Variants in GRM7 observed in about 807,000 individuals in gnomAD.
GRM7 encodes glutamate metabotropic receptor 7.
In GRM7, 35 loss-of-function variants were observed where a neutral mutation model predicts 84.5. The ratio of observed to expected loss-of-function variants is 0.41; its 90% CI spans 0.32 to 0.55. The LOEUF (loss-of-function observed/expected upper bound fraction) is 0.55, where lower values mean the gene tolerates loss of function less well. Ranked by LOEUF, GRM7 falls within the 20% of genes least tolerant of loss-of-function variation. GRM7 has a pLI of 0.19. For synonymous variants in GRM7, 487 were observed against 455.1 expected, an observed-to-expected ratio of 1.07 and a Z score of -0.89; for missense variants, 1,003 against 1,194.6, an observed-to-expected ratio of 0.84 and a Z score of 2.36.
At chr3:7,524,019 G>A (rs1279165787) in intron 7 of GRM7, among the ~76,000 whole-genome samples, 1 of 152,068 alleles carries the variant, frequency 6.6e-6, no homozygotes, top group African/African-American at 2.4e-5. Context: ...AGAGATCACG[G>A]AGGCTAGGAG....
At chr3:7,471,656 G>T (rs528684201) in intron 7 of GRM7, among the ~76,000 whole-genome samples, 1 of 152,198 alleles carries the variant, frequency 6.6e-6, no homozygotes, top group South Asian at 2.1e-4. Context: ...GATAATTCAA[G>T]ATAATCTCTC....
At chr3:7,050,471 A>T (rs942194653) in intron 1 of GRM7, among the ~76,000 whole-genome samples, 1 of 151,928 alleles carries the variant, frequency 6.6e-6, no homozygotes, top group Admixed American at 6.6e-5. Context: ...AACACATGTT[A>T]TATCCACTAT....
intron 8 of GRM7, among the ~76,000 whole-genome samples, chr3:7,583,292 G>T (rs770190598): frequency 1.3e-5 from 2 of 152,144 alleles, no homozygotes; most frequent in Non-Finnish European, 2.9e-5. Context: ...AAGAATTTTT[G>T]ATCTTCTGCA....
At chr3:7,321,852 G>C (rs372543732) in intron 4 of GRM7, among the ~76,000 whole-genome samples, 76 of 152,128 alleles carry the variant, frequency 5.0e-4, no homozygotes, top group Middle Eastern at 6.8e-3. Context: ...AAGTGTTCTT[G>C]TCTCAAATTG....
At chr3:6,917,273 G>A (rs1412551916) in intron 1 of GRM7, among the ~76,000 whole-genome samples, 1 of 152,056 alleles carries the variant, frequency 6.6e-6, no homozygotes, top group Non-Finnish European at 1.5e-5. Flanking sequence ...ATTAGATATA[G>A]ATTGAGAAAA....
At chr3:7,083,908 G>C (rs368200697) in intron 1 of GRM7, among the ~76,000 whole-genome samples, 1 of 152,142 alleles carries the variant, frequency 6.6e-6, no homozygotes, top group Non-Finnish European at 1.5e-5. Flanking sequence ...AGCAACCTGA[G>C]TGGCAATGAG....
intron 4 of GRM7, among the ~76,000 whole-genome samples, chr3:7,334,490 G>GAAAAAAAAAAAAA (rs1559244651): frequency 6.7e-6 from 1 of 148,248 alleles, no homozygotes; most frequent in African/African-American, 2.6e-5. Flanking sequence ...AAAAAAAATA[G>GAAAAAAAAAAAAA]AAAAACAAAA....
At chr3:7,411,588 A>G (rs910384087) in intron 4 of GRM7, among the ~76,000 whole-genome samples, 3 of 152,112 alleles carry the variant, frequency 2.0e-5, no homozygotes, top group Non-Finnish European at 2.9e-5. Flanking sequence ...TTTCTGCCCA[A>G]TTTTGAACTT....
chr3:7,480,624 A>G (rs1256519123), intron 7 of GRM7, among the ~76,000 whole-genome samples: 1 of 152,200 alleles, frequency 6.6e-6, no homozygotes, highest in Non-Finnish European at 1.5e-5. Flanking sequence ...TGCACTTGTG[A>G]GTAGTGATTC....
intron 2 of GRM7, among the ~76,000 whole-genome samples, chr3:7,223,492 TA>T (rs1360926265): frequency 2.1e-5 from 3 of 139,742 alleles, no homozygotes; most frequent in East Asian, 2.2e-4. Flanking sequence ...ATTTCTCTAA[TA>T]TTTTTTTTTC....
chr3:7,045,957 C>T (rs574150136), intron 1 of GRM7, among the ~76,000 whole-genome samples: 2 of 152,112 alleles, frequency 1.3e-5, no homozygotes, highest in South Asian at 4.2e-4. Flanking sequence ...AGAAACTTTG[C>T]TATTTTCTAC....
At chr3:7,189,633 AC>A (rs1461761808) in intron 2 of GRM7, among the ~76,000 whole-genome samples, 6 of 152,148 alleles carry the variant, frequency 3.9e-5, no homozygotes, top group African/African-American at 1.4e-4. Flanking sequence ...GGTGACCTCA[AC>A]CTTTTGTCTT....
intron 1 of GRM7, among the ~76,000 whole-genome samples, chr3:7,035,408 A>G (rs1696350785): frequency 6.6e-6 from 1 of 152,048 alleles, no homozygotes; most frequent in Non-Finnish European, 1.5e-5. Context: ...CCAGGGGAAA[A>G]TAGAGAATAG....
intron 4 of GRM7, among the ~76,000 whole-genome samples, chr3:7,359,719 G>A (rs1487543157): frequency 6.8e-6 from 1 of 147,924 alleles, no homozygotes; most frequent in Non-Finnish European, 1.5e-5. Context: ...GTGTTTTAAA[G>A]TTTACTCTGT....
chr3:7,724,083 T>G (rs1050311128), intron 9 of GRM7, among the ~76,000 whole-genome samples: 1 of 152,006 alleles, frequency 6.6e-6, no homozygotes, highest in Non-Finnish European at 1.5e-5. Context: ...ACGGAGCTGT[T>G]GTGAGCCTGA....
At chr3:7,105,011 A>C (rs1463164632) in intron 1 of GRM7, among the ~76,000 whole-genome samples, 3 of 151,834 alleles carry the variant, frequency 2.0e-5, no homozygotes, top group Non-Finnish European at 4.4e-5. Context: ...ACATGGTTGA[A>C]TAGTTCCCTG....
intron 1 of GRM7, among the ~76,000 whole-genome samples, chr3:6,877,828 C>T (rs923124224): frequency 2.0e-5 from 3 of 150,904 alleles, no homozygotes; most frequent in Admixed American, 2.0e-4. Context: ...CACACACACA[C>T]ACACACACAC....
chr3:6,921,252 A>G (rs1393975123), intron 1 of GRM7, among the ~76,000 whole-genome samples: 1 of 152,194 alleles, frequency 6.6e-6, no homozygotes, highest in East Asian at 1.9e-4. Context: ...AATCCGAAAG[A>G]GCAGCTGCAA....
chr3:7,238,403 T>G (rs1317278961), intron 2 of GRM7, among the ~76,000 whole-genome samples: 1 of 152,148 alleles, frequency 6.6e-6, no homozygotes, highest in Non-Finnish European at 1.5e-5. Flanking sequence ...AGAGAAGGCT[T>G]CTCTGTTCGA....
Sources: allele counts gnomAD v4.1 joint callset (sites outside exome capture counted in the v4.1 genomes callset), GRCh38; gene constraint gnomAD v4.1.1; transcripts MANE v1.5; gene names NCBI Gene and HGNC (gene_info 2026-07-23, HGNC 2026-07-21).